AFAP1: variants seen among roughly 807,000 people sequenced by gnomAD.
AFAP1 encodes actin filament-associated protein 1.
In AFAP1, 75 loss-of-function variants were observed where a neutral mutation model predicts 93.9. The observed-to-expected ratio is 0.80, with a 90% CI of 0.66 to 0.97. The LOEUF is 0.97. AFAP1 is among the 50% of genes least tolerant of loss of function. The pLI is 0.00. For synonymous variants in AFAP1, 517 were observed against 430.7 expected (o/e 1.20, Z -2.48); for missense variants, 1,201 against 1,050.8 (o/e 1.14, Z -1.98).
Position 7,772,852 on chromosome 4 carries a change from T to C in AFAP1, c.2221A>G (p.Ile741Val), listed in dbSNP as rs1479528594. 3 of 1,613,994 alleles carry C rather than the reference T, an allele frequency of 1.9e-6. No individual in the cohort carries two copies. The South Asian group carries it at 3.3e-5, about 18-fold the overall frequency. The change falls in exon 16 of 18, where the codon ATC becomes GTC. Residue 741 changes from isoleucine to valine, a missense_variant. Ile to Val is a conservative substitution (Grantham distance 29). Transcript: ENST00000420658. ...CTCGATGTCCCTGACTTGGGCTCGATGGCCAGCCCCAGGGTGACTCCGCCC... is the reference window on the plus strand; with the variant it reads ...CTCGATGTCCCTGACTTGGGCTCGACGGCCAGCCCCAGGGTGACTCCGCCC... ...LAGGVTLGLA[I>V]EPKSGTSSPQ... is the part of the protein sequence containing the mutation.
chr4:7,845,386 C>T (rs983000087), intron 4 of AFAP1, among the ~76,000 whole-genome samples: 1 of 152,002 alleles, frequency 6.6e-6, no homozygotes, highest in Non-Finnish European at 1.5e-5. Context: ...CCTGCCACTA[C>T]ACTCCAGCCT....
intron 1 of AFAP1, among the ~76,000 whole-genome samples, chr4:7,925,478 C>A (rs966777593): frequency 6.6e-6 from 1 of 151,984 alleles, no homozygotes; most frequent in East Asian, 1.9e-4. Flanking sequence ...TTTGGGAGGC[C>A]GAGTCAGGTG....
chr4:7,782,575 T>C (rs191339955), intron 12 of AFAP1, among the ~76,000 whole-genome samples: 20 of 152,304 alleles, frequency 1.3e-4, no homozygotes, highest in Admixed American at 9.2e-4. Context: ...TCTGAGAACA[T>C]GGGTATTAAA....
chr4:7,770,862 A>C (rs1413257100), intron 16 of AFAP1, among the ~76,000 whole-genome samples: 2 of 152,192 alleles, frequency 1.3e-5, no homozygotes, highest in Non-Finnish European at 2.9e-5. Flanking sequence ...CTCCTGCCTC[A>C]GATCACAGAG....
intron 3 of AFAP1, among the ~76,000 whole-genome samples, chr4:7,866,179 G>C (rs896624786): frequency 1.3e-5 from 2 of 150,584 alleles, no homozygotes; most frequent in Non-Finnish European, 2.9e-5. Flanking sequence ...TTACAAGTGT[G>C]AGCCACTGCG....
At chr4:7,859,830 C>T (rs1560204591) in intron 3 of AFAP1, among the ~76,000 whole-genome samples, 1 of 152,096 alleles carries the variant, frequency 6.6e-6, no homozygotes, top group Admixed American at 6.6e-5. Context: ...TCTGTCTTTG[C>T]TACTTTAAGG....
intron 1 of AFAP1, among the ~76,000 whole-genome samples, chr4:7,872,920 T>C (rs1175601964): frequency 6.8e-6 from 1 of 147,290 alleles, no homozygotes; most frequent in Non-Finnish European, 1.5e-5. Flanking sequence ...TCACAGGTTT[T>C]TTTTCCTTTT....
intron 4 of AFAP1, among the ~76,000 whole-genome samples, chr4:7,854,784 T>C (rs940236414): frequency 6.6e-5 from 10 of 152,158 alleles, no homozygotes; most frequent in Non-Finnish European, 1.3e-4. Context: ...AACTTTCTTA[T>C]GAGATGGTAG....
chr4:7,853,833 C>T (rs759189732), intron 4 of AFAP1, among the ~76,000 whole-genome samples: 2 of 152,164 alleles, frequency 1.3e-5, no homozygotes, highest in South Asian at 2.1e-4. Context: ...GAGAGTCCCA[C>T]GGCAGACGTG....
intron 4 of AFAP1, among the ~76,000 whole-genome samples, chr4:7,852,573 A>AC (rs1714569520): frequency 6.6e-6 from 1 of 152,096 alleles, no homozygotes; most frequent in Admixed American, 6.5e-5. Flanking sequence ...ACCATCCAAT[A>AC]CAGAAGTGCT....
intron 11 of AFAP1, chr4:7,788,952 GC>G (rs1166229151): frequency 1.3e-5 from 2 of 152,352 alleles, no homozygotes; most frequent in Non-Finnish European, 2.9e-5. Flanking sequence ...GCCCTGGGGG[GC>G]TCCACTCCTG....
chr4:7,911,853 G>T (rs1719750506), intron 1 of AFAP1, among the ~76,000 whole-genome samples: 1 of 152,068 alleles, frequency 6.6e-6, no homozygotes, highest in African/African-American at 2.4e-5. Context: ...CACTTATTTG[G>T]AAGGCTACCT....
chr4:7,887,795 A>G (rs1718216571), intron 1 of AFAP1, among the ~76,000 whole-genome samples: 1 of 151,894 alleles, frequency 6.6e-6, no homozygotes, highest in Non-Finnish European at 1.5e-5. Context: ...AGTTTTTTAA[A>G]TTGTCATACT....
At chr4:7,851,892 C>T (rs1265397443) in intron 4 of AFAP1, among the ~76,000 whole-genome samples, 1 of 152,138 alleles carries the variant, frequency 6.6e-6, no homozygotes. Flanking sequence ...TCTAGGTCCA[C>T]AGGGCCTTAA....
intron 5 of AFAP1, 195 bp downstream of exon 5, chr4:7,842,944 A>G (rs555444281): frequency 7.5e-5 from 44 of 589,432 alleles, no homozygotes; most frequent in South Asian, 7.1e-4. Context: ...AACCTTGAAC[A>G]CACAACACGG....
intron 4 of AFAP1, among the ~76,000 whole-genome samples, chr4:7,848,365 G>A (rs1714054082): frequency 6.6e-6 from 1 of 152,176 alleles, no homozygotes; most frequent in Non-Finnish European, 1.5e-5. Flanking sequence ...GCAAAGCGTG[G>A]CTCAGTCCGA....
chr4:7,895,590 T>G (rs1467436802), intron 1 of AFAP1, among the ~76,000 whole-genome samples: 2 of 151,938 alleles, frequency 1.3e-5, no homozygotes, highest in Non-Finnish European at 2.9e-5. Context: ...CAATCAACTT[T>G]CCAAACAAGT....
chr4:7,833,607 T>TA (rs1711899597), intron 6 of AFAP1, among the ~76,000 whole-genome samples: 1 of 150,358 alleles, frequency 6.7e-6, no homozygotes, highest in Non-Finnish European at 1.5e-5. Context: ...TTTTTTTTTT[T>TA]AGATGGAGTC....
At chr4:7,766,003 G>A (rs1238242527) in intron 17 of AFAP1, among the ~76,000 whole-genome samples, 1 of 152,208 alleles carries the variant, frequency 6.6e-6, no homozygotes, top group African/African-American at 2.4e-5. Flanking sequence ...CTCATTAACT[G>A]GGTCATGAGT....
Sources: gnomAD v4.1 joint callset for allele counts (sites outside exome capture counted in the v4.1 genomes callset) on GRCh38, gnomAD v4.1.1 for gene constraint, MANE v1.5 for transcripts, NCBI Gene and HGNC (gene_info 2026-07-23, HGNC 2026-07-21) for gene names.